The following ACSBG1 variants were observed in gnomAD, a reference collection of about 807,000 sequenced individuals.
ACSBG1 encodes acyl-CoA synthetase bubblegum family member 1.
Under a neutral mutation model 80.2 loss-of-function variants are expected in ACSBG1, and 39 were observed. The ratio of observed to expected loss-of-function variants is 0.49; its 90% CI spans 0.38 to 0.64. The LOEUF is 0.64. Among genes scored for constraint, ACSBG1 ranks in the 30% least tolerant of loss-of-function variants. The probability of loss-of-function intolerance (pLI) is 0.00; values close to 1 mark genes in which losing one functional copy is unlikely to be tolerated. For synonymous variants in ACSBG1, 392 were observed against 379.5 expected (o/e 1.03, Z -0.38); for missense variants, 828 against 966.4 (o/e 0.86, Z 1.90).
intron 1 of ACSBG1, among the ~76,000 whole-genome samples, chr15:78,233,983 A>G (rs1365139740): frequency 6.6e-6 from 1 of 152,236 alleles, no homozygotes; most frequent in Admixed American, 6.5e-5. Context: ...CACGCAGCAA[A>G]CTGGAGCGGG....
At chr15:78,185,046 G>GGGGA (rs1286054011) in intron 5 of ACSBG1, among the ~76,000 whole-genome samples, 4 of 100,272 alleles carry the variant, frequency 4.0e-5, no homozygotes, top group Non-Finnish European at 7.8e-5. Context: ...AAGGGGCGGA[G>GGGGA]GGGAGGGAGA....
In ACSBG1 at chr15:78,170,209, G is replaced by A. The variant is rs1236552418; in HGVS notation, c.*1235C>T. ...GTCTTCCTCTCCCTTCTCCTCTGCT[G>A]CAGCATGATTTTCTTAATCTTCAGA... On this transcript the variant is annotated 3_prime_UTR_variant, in exon 14 of 14. Coordinates refer to ENST00000258873, the MANE Select transcript of ACSBG1 (RefSeq NM_015162.5). 1 of 152,162 alleles carries A rather than the reference G, an allele frequency of 6.6e-6. No homozygotes were observed. The highest frequency in any genetic ancestry group is 1.5e-5 in the Non-Finnish European group (1 of 68,020). 9.4% of individuals were successfully genotyped at this position (152,162 alleles called of 1,614,324 possible). A position where few individuals can be genotyped will look rare whatever the true frequency, so the allele number is the denominator to read the frequency against.
At chr15:78,213,799 T>C (rs1331945915) in intron 1 of ACSBG1, 2 of 152,300 alleles carry the variant, frequency 1.3e-5, no homozygotes, top group Non-Finnish European at 2.9e-5. Flanking sequence ...TTGTTTGGTT[T>C]GGTTCCTTAC....
chr15:78,226,945 G>A (rs1310809807), intron 1 of ACSBG1, among the ~76,000 whole-genome samples: 1 of 150,798 alleles, frequency 6.6e-6, no homozygotes, highest in Admixed American at 6.6e-5. Context: ...ATTGGCCAGG[G>A]GTGGTGGCTC....
At chr15:78,224,033 C>T (rs2075380490) in intron 1 of ACSBG1, among the ~76,000 whole-genome samples, 1 of 152,082 alleles carries the variant, frequency 6.6e-6, no homozygotes. Context: ...TGACTTTAGC[C>T]CACCGAAACC....
chr15:78,226,946 G>T (rs942064164), intron 1 of ACSBG1, among the ~76,000 whole-genome samples: 1 of 150,956 alleles, frequency 6.6e-6, no homozygotes, highest in East Asian at 1.9e-4. Context: ...TTGGCCAGGG[G>T]TGGTGGCTCA....
At chr15:78,175,077 A>G (rs2141320279) in intron 11 of ACSBG1, among the ~76,000 whole-genome samples, 1 of 152,336 alleles carries the variant, frequency 6.6e-6, no homozygotes, top group South Asian at 2.1e-4. Flanking sequence ...GTCCATTTCC[A>G]GAGCCCATGC....
intron 1 of ACSBG1, among the ~76,000 whole-genome samples, chr15:78,233,709 C>T (rs950970063): frequency 6.6e-6 from 1 of 152,152 alleles, no homozygotes; most frequent in African/African-American, 2.4e-5. Context: ...TGTGCGCGTG[C>T]GCCTGCCTTC....
At chr15:78,200,683 C>T (rs1387927591) in intron 2 of ACSBG1, among the ~76,000 whole-genome samples, 1 of 152,184 alleles carries the variant, frequency 6.6e-6, no homozygotes, top group African/African-American at 2.4e-5. Flanking sequence ...CTCCCATCTC[C>T]TCTGGGAAAG....
At position 78,173,287 on chromosome 15, in the gene ACSBG1, G is replaced by A. The variant is rs983194844; in HGVS notation, c.2089+306C>T. On this transcript the variant is annotated intron_variant, in intron 13 of 13. Transcript: ENST00000258873. ...TTGAACCCGCGAGGTGCAGGTTGCAGTGAGCCAAGGTCGTGCCATTGCTCT... is the reference window on the plus strand; with the variant it reads ...TTGAACCCGCGAGGTGCAGGTTGCAATGAGCCAAGGTCGTGCCATTGCTCT... Among the ~76,000 whole-genome samples, 4 of 135,190 alleles carry A rather than the reference G, an allele frequency of 3.0e-5. No individual in the cohort carries two copies. The Admixed American group carries it at 3.3e-4, about 11-fold the overall frequency. The allele number at this position is 135,190 out of a possible 152,430, so 88.7% of individuals were successfully genotyped here. A position where few individuals can be genotyped will look rare whatever the true frequency, so the allele number is the denominator to read the frequency against.
Position 78,181,122 on chromosome 15 carries a change from C to G in ACSBG1, c.1072-186G>C, listed in dbSNP as rs183754976. ...CGCCTTGCTTTTTGCTCACAGAACC[C>G]TGGTGGCAGGCAGCAGTCAGGCAGC... On this transcript the variant is annotated intron_variant, in intron 8 of 13. Coordinates refer to ENST00000258873, the MANE Select transcript of ACSBG1 (RefSeq NM_015162.5). 1.8e-5 allele frequency: 12 copies of G among 681,294 alleles called. No homozygotes were observed. The East Asian group carries it at 3.3e-4, about 19-fold the overall frequency. The allele number at this position is 681,294 out of a possible 1,614,324, so 42.2% of individuals were successfully genotyped here. A position where few individuals can be genotyped will look rare whatever the true frequency, so the allele number is the denominator to read the frequency against.
At chr15:78,230,639 G>A (rs537424553) in intron 1 of ACSBG1, among the ~76,000 whole-genome samples, 2 of 152,274 alleles carry the variant, frequency 1.3e-5, no homozygotes, top group Admixed American at 1.3e-4. Flanking sequence ...GCATCATGGG[G>A]GCAGGTCCTT....
chr15:78,195,799 G>A (rs2075108571), intron 2 of ACSBG1, among the ~76,000 whole-genome samples: 1 of 152,172 alleles, frequency 6.6e-6, no homozygotes, highest in Non-Finnish European at 1.5e-5. Flanking sequence ...GGGAAGGGAT[G>A]AGGGCTGGCC....
chr15:78,217,390 G>T (rs1156826345), intron 1 of ACSBG1, among the ~76,000 whole-genome samples: 4 of 152,122 alleles, frequency 2.6e-5, no homozygotes, highest in Non-Finnish European at 4.4e-5. Context: ...ACTTGGGCAA[G>T]TGGGTTCCAG....
chr15:78,190,803 C>G (rs2075050594), intron 5 of ACSBG1, among the ~76,000 whole-genome samples: 1 of 151,714 alleles, frequency 6.6e-6, no homozygotes, highest in East Asian at 1.9e-4. Flanking sequence ...AGAGCAAACA[C>G]TGATATAGTA....
chr15:78,202,093 A>G (rs1001644519), intron 2 of ACSBG1, among the ~76,000 whole-genome samples: 4 of 152,214 alleles, frequency 2.6e-5, no homozygotes, highest in African/African-American at 9.7e-5. Flanking sequence ...GCAGTAGGGC[A>G]GGGAGAAACT....
intron 2 of ACSBG1, among the ~76,000 whole-genome samples, chr15:78,197,545 C>A (rs908441915): frequency 6.6e-6 from 1 of 151,654 alleles, no homozygotes; most frequent in East Asian, 1.9e-4. Flanking sequence ...ATGGTGAAAC[C>A]CTGTCTCTAC....
intron 1 of ACSBG1, among the ~76,000 whole-genome samples, chr15:78,230,473 A>G (rs1286513023): frequency 9.9e-5 from 15 of 152,008 alleles, no homozygotes; most frequent in Non-Finnish European, 1.5e-5. Context: ...AGGAATGCAG[A>G]CCCGCCTTTC....
At position 78,170,678 on chromosome 15, in the gene ACSBG1, G is replaced by A. The variant is rs2074809267; in HGVS notation, c.*766C>T. Reference sequence around the variant, plus strand: ...GGTGGCGACAGGCTAACGTAGAGCTGGCTGCTTTTATGAGAATGCGCCACT... The same window carrying A: ...GGTGGCGACAGGCTAACGTAGAGCTAGCTGCTTTTATGAGAATGCGCCACT... On this transcript the variant is annotated 3_prime_UTR_variant, in exon 14 of 14. Transcript: ENST00000258873. 6.6e-6 allele frequency: 1 copy of A among 152,208 alleles called. No homozygotes were observed. Among genetic ancestry groups the A allele is most frequent in the Admixed American group, 6.5e-5 (1 of 15,280 alleles). 9.4% of individuals were successfully genotyped at this position (152,208 alleles called of 1,614,324 possible).
Sources: allele counts gnomAD v4.1 joint callset (sites outside exome capture counted in the v4.1 genomes callset), GRCh38; gene constraint gnomAD v4.1.1; transcripts MANE v1.5; gene names NCBI Gene and HGNC (gene_info 2026-07-23, HGNC 2026-07-21).